FOXP2: variants seen among roughly 807,000 people sequenced by gnomAD.
FOXP2 encodes the protein forkhead box P2.
Under a neutral mutation model 115.8 loss-of-function variants are expected in FOXP2, and 12 were observed. The ratio of observed to expected loss-of-function variants is 0.10; its 90% confidence interval spans 0.07 to 0.17. FOXP2 has a LOEUF of 0.17. Ranked by LOEUF, FOXP2 falls within the 10% of genes least tolerant of loss-of-function variation. The pLI, the probability that FOXP2 is intolerant of heterozygous loss-of-function variation, is 1.00. For synonymous variants in FOXP2, 328 were observed against 297.7 expected, an observed-to-expected ratio of 1.10 and a Z score of -1.05; for missense variants, 629 against 843.5, an observed-to-expected ratio of 0.75 and a Z score of 3.15.
chr7:114,238,145 A>G (rs1795059476), intron 1 of FOXP2, among the ~76,000 whole-genome samples: 2 of 152,220 alleles, frequency 1.3e-5, no homozygotes, highest in Admixed American at 6.5e-5. Flanking sequence ...GAGAAGTGGT[A>G]GTTAAACTAT....
intron 11 of FOXP2, 33 bp from the exon 12 acceptor site, chr7:114,659,323 A>G (rs773826709): frequency 7.3e-7 from 1 of 1,373,210 alleles, no homozygotes. Flanking sequence ...GTGAATTATT[A>G]GCAGAATTAA....
intron 3 of FOXP2, among the ~76,000 whole-genome samples, chr7:114,536,944 A>G (rs1188890805): frequency 6.6e-6 from 1 of 151,554 alleles, no homozygotes; most frequent in Non-Finnish European, 1.5e-5. Context: ...AACTGGAGAC[A>G]CGCTGGGATT....
chr7:114,484,589 A>G lies in FOXP2; in HGVS notation c.169-50028A>G, dbSNP rs554638144. On this transcript the variant is annotated intron_variant, in intron 2 of 16. Transcript: ENST00000350908. ...CAGAGCGGTAATAATAATGACATTG[A>G]TTGTTCACATTTCTGCAAATAAAAT... 2.6e-3 allele frequency among the ~76,000 whole-genome samples: 402 copies of G among 151,994 alleles called. 1 individual carries two copies. Among genetic ancestry groups the G allele is most frequent in the African/African-American group, 9.4e-3 (390 of 41,538 alleles).
chr7:114,500,494 A>G (rs944954915), intron 2 of FOXP2, among the ~76,000 whole-genome samples: 5 of 152,066 alleles, frequency 3.3e-5, no homozygotes, highest in Non-Finnish European at 4.4e-5. Context: ...CTTTTAGATT[A>G]TGTATTCTTC....
intron 2 of FOXP2, among the ~76,000 whole-genome samples, chr7:114,517,180 A>AT: frequency 6.6e-6 from 1 of 151,578 alleles, no homozygotes; most frequent in Admixed American, 6.6e-5. Flanking sequence ...TTTCTTTCCC[A>AT]TTTTTTAATC....
chr7:114,427,048 A>G (rs909790992), intron 2 of FOXP2, among the ~76,000 whole-genome samples: 1 of 151,684 alleles, frequency 6.6e-6, no homozygotes, highest in African/African-American at 2.4e-5. Flanking sequence ...TGCTTATACA[A>G]TGAATTTCTT....
chr7:114,221,635 C>T (rs1237805743), intron 1 of FOXP2, among the ~76,000 whole-genome samples: 1 of 152,080 alleles, frequency 6.6e-6, no homozygotes, highest in African/African-American at 2.4e-5. Context: ...CCATGTCTCC[C>T]TAGGGCTGTA....
intron 2 of FOXP2, among the ~76,000 whole-genome samples, chr7:114,514,010 A>G (rs577900896): frequency 3.9e-5 from 6 of 152,078 alleles, no homozygotes; most frequent in Non-Finnish European, 7.4e-5. Flanking sequence ...TTTTAAATTG[A>G]TAAGTTAACA....
chr7:114,562,638 C>T (rs925068852), intron 3 of FOXP2, among the ~76,000 whole-genome samples: 4 of 152,146 alleles, frequency 2.6e-5, no homozygotes, highest in African/African-American at 4.8e-5. Flanking sequence ...GTCAGCTGCA[C>T]GTCTTCATTC....
rs202008325 is a variant in FOXP2, at chr7:114,689,837, A to G, written c.2059A>G (p.Met687Val). Residue 687 changes from methionine (M) to valine (V), a missense_variant, in exon 17 of 17, where the codon ATG becomes GTG. This residue lies in a region of FOXP2 where 117 missense variants were observed against 112.3 expected (regional missense o/e 1.04). Coordinates refer to ENST00000350908, the MANE Select transcript of FOXP2 (RefSeq NM_014491.4). ...GATTGCAGAGGATGAAGACTGCCCA[A>G]TGTCCTTAGTGACAACAGCTAATCA... ...PVIAEDEDCP[M>V]SLVTTANHSP... The G allele has an allele frequency of 3.2e-5, 52 of 1,613,412 alleles. No individual in the cohort carries two copies. Among genetic ancestry groups the G allele is most frequent in the Admixed American group, 2.7e-4 (16 of 59,938 alleles).
chr7:114,578,955 T>C (rs1189777602), intron 3 of FOXP2, among the ~76,000 whole-genome samples: 1 of 152,126 alleles, frequency 6.6e-6, no homozygotes. Context: ...TATAAGGCAA[T>C]AGAAATTTAG....
At chr7:114,628,369 T>A (rs1804708641) in intron 3 of FOXP2, among the ~76,000 whole-genome samples, 171 bp from the exon 4 acceptor site, 1 of 152,206 alleles carries the variant, frequency 6.6e-6, no homozygotes, top group Non-Finnish European at 1.5e-5. Flanking sequence ...AGTGTCTATG[T>A]TTTGTGATAC....
chr7:114,120,009 GC>G (rs1339287991), intron 1 of FOXP2, among the ~76,000 whole-genome samples: 1 of 152,120 alleles, frequency 6.6e-6, no homozygotes, highest in Non-Finnish European at 1.5e-5. Context: ...TATTGCTAAA[GC>G]AGAGGTATAG....
At chr7:114,438,785 A>T (rs1323389822) in intron 2 of FOXP2, among the ~76,000 whole-genome samples, 1 of 152,138 alleles carries the variant, frequency 6.6e-6, no homozygotes, top group African/African-American at 2.4e-5. Flanking sequence ...CATATTCCTA[A>T]TGCCCTTCTA....
intron 1 of FOXP2, among the ~76,000 whole-genome samples, chr7:114,188,358 T>C (rs1793666886): frequency 6.6e-6 from 1 of 152,216 alleles, no homozygotes; most frequent in Non-Finnish European, 1.5e-5. Context: ...GCTTTCTCTC[T>C]GGTTTTGCAA....
At chr7:114,347,572 A>C (rs780802191) in intron 2 of FOXP2, among the ~76,000 whole-genome samples, 28 of 152,052 alleles carry the variant, frequency 1.8e-4, no homozygotes, top group Non-Finnish European at 3.2e-4. Flanking sequence ...GAAGTCTTAG[A>C]AAATTTCTCC....
rs1463752302 is a variant in FOXP2, at chr7:114,132,363, G to A, written c.-246-30581G>A. 8.6e-5 allele frequency among the ~76,000 whole-genome samples: 13 copies of A among 151,960 alleles called. No homozygotes were observed. The East Asian group carries it at 2.3e-3, about 27-fold the overall frequency. On this transcript the variant is annotated intron_variant, in intron 1 of 19. Transcript: ENST00000635638. Reference sequence around the variant, plus strand: ...ACCATTAACTTAGTCTTTCATTCATGTGTTTCTTCTCATGATTCTAGGCAT... The same window carrying A: ...ACCATTAACTTAGTCTTTCATTCATATGTTTCTTCTCATGATTCTAGGCAT...
intron 2 of FOXP2, among the ~76,000 whole-genome samples, chr7:114,445,545 A>G (rs567426521): frequency 6.6e-6 from 1 of 152,298 alleles, no homozygotes; most frequent in African/African-American, 2.4e-5. Flanking sequence ...GCAGCTGCAA[A>G]GCTGAAACTG....
At chr7:114,540,117 A>T (rs1039857884) in intron 3 of FOXP2, among the ~76,000 whole-genome samples, 2 of 152,022 alleles carry the variant, frequency 1.3e-5, no homozygotes, top group Non-Finnish European at 2.9e-5. Context: ...ATTCTATATC[A>T]TAGCATTTGG....
Sources: allele counts gnomAD v4.1 joint callset (sites outside exome capture counted in the v4.1 genomes callset), GRCh38; gene constraint gnomAD v4.1.1; regional missense constraint gnomAD v4.1.1; transcripts MANE v1.5; gene names NCBI Gene and HGNC (gene_info 2026-07-23, HGNC 2026-07-21).